Variants in UNC5C observed in about 807,000 individuals in gnomAD.
UNC5C encodes unc-5 netrin receptor C.
In UNC5C, 47 loss-of-function variants were observed where a neutral mutation model predicts 99.8. The observed-to-expected ratio is 0.47, with a 90% CI of 0.37 to 0.60. The LOEUF is 0.60. Ranked by LOEUF, UNC5C falls within the 20% of genes least tolerant of loss-of-function variation. The probability of loss-of-function intolerance (pLI) is 0.00; values close to 1 mark genes in which losing one functional copy is unlikely to be tolerated. For synonymous variants in UNC5C, 487 were observed against 452.2 expected (o/e 1.08, Z -0.98); for missense variants, 1,062 against 1,165.9 (o/e 0.91, Z 1.30).
At chr4:95,534,045 A>T (rs1722715886) in intron 1 of UNC5C, among the ~76,000 whole-genome samples, 1 of 152,222 alleles carries the variant, frequency 6.6e-6, no homozygotes, top group Admixed American at 6.5e-5. Context: ...TTATGTAGGG[A>T]CTAAACCATA....
chr4:95,506,548 G>A (rs979452328), intron 1 of UNC5C, among the ~76,000 whole-genome samples: 4 of 151,852 alleles, frequency 2.6e-5, no homozygotes, highest in South Asian at 2.1e-4. Context: ...AATATATGAC[G>A]TGTTACTTTA....
At position 95,478,888 on chromosome 4, in the gene UNC5C, C is replaced by G. The variant is rs185025617; in HGVS notation, c.124+69846G>C. ...TTTATCATGGTAATCAGCAAGTTCT[C>G]GCTCCATTAGTTCGTGTGAGAACTG... On this transcript the variant is annotated intron_variant, in intron 1 of 15. Coordinates refer to ENST00000453304, the MANE Select transcript of UNC5C (RefSeq NM_003728.4). Among the ~76,000 whole-genome samples, 36 of 151,828 alleles carry G rather than the reference C, an allele frequency of 2.4e-4. No homozygotes were observed. In the East Asian group the frequency reaches 6.3e-3, roughly 26 times the overall value.
chr4:95,521,221 TTTC>T (rs551324975), intron 1 of UNC5C, among the ~76,000 whole-genome samples: 12,542 of 57,974 alleles, frequency 0.22, 1,875 homozygotes, highest in African/African-American at 0.42. Flanking sequence ...TTTTTTCTTT[TTTC>T]TTTTTTTTTT....
chr4:95,441,920 A>C (rs1387167672), intron 1 of UNC5C, among the ~76,000 whole-genome samples: 1 of 152,188 alleles, frequency 6.6e-6, no homozygotes, highest in Non-Finnish European at 1.5e-5. Context: ...TAAACTAGTA[A>C]GATTAACACG....
At chr4:95,240,869 C>G (rs1190570597) in intron 7 of UNC5C, among the ~76,000 whole-genome samples, 4 of 152,074 alleles carry the variant, frequency 2.6e-5, no homozygotes, top group African/African-American at 9.7e-5. Context: ...TTTTCTATGA[C>G]TAATAAAAGG....
chr4:95,547,357 C>A (rs1723097515), intron 1 of UNC5C, among the ~76,000 whole-genome samples: 1 of 152,122 alleles, frequency 6.6e-6, no homozygotes, highest in Non-Finnish European at 1.5e-5. Context: ...GACCGCACTC[C>A]TATGCTAGGC....
intron 1 of UNC5C, among the ~76,000 whole-genome samples, chr4:95,493,826 C>T (rs1721565102): frequency 6.6e-6 from 1 of 151,304 alleles, no homozygotes; most frequent in African/African-American, 2.4e-5. Context: ...AACAATATTC[C>T]AACCTAAAGG....
intron 2 of UNC5C, among the ~76,000 whole-genome samples, chr4:95,332,209 G>A (rs1451072317): frequency 6.6e-6 from 1 of 151,882 alleles, no homozygotes; most frequent in Non-Finnish European, 1.5e-5. Flanking sequence ...TCACAGAATT[G>A]GAAAAAACTA....
At chr4:95,294,146 G>T (rs759448480) in intron 3 of UNC5C, among the ~76,000 whole-genome samples, 1 of 152,192 alleles carries the variant, frequency 6.6e-6, no homozygotes. Context: ...ATACATGACC[G>T]AAATAATTTT....
At chr4:95,391,436 G>A (rs1343995942) in intron 1 of UNC5C, among the ~76,000 whole-genome samples, 1 of 152,004 alleles carries the variant, frequency 6.6e-6, no homozygotes, top group Non-Finnish European at 1.5e-5. Context: ...TCATTTTTCA[G>A]TATATTATAC....
In UNC5C at chr4:95,162,785, CACA is replaced by C. The variant is rs921181491; in HGVS notation, c.*6446_*6448del. On this transcript the variant is annotated 3_prime_UTR_variant, in exon 16 of 16. Coordinates refer to ENST00000453304, the MANE Select transcript of UNC5C (RefSeq NM_003728.4). ...TAGAAGATACAGCAAGAGGGAACTC[CACA>C]ACAACAAAAGTGTTCCATATCGGAA... 20 of 152,068 alleles carry C rather than the reference CACA, an allele frequency of 1.3e-4. No individual in the cohort carries two copies. Among genetic ancestry groups the C allele is most frequent in the African/African-American group, 4.6e-4 (19 of 41,398 alleles). The allele number at this position is 152,068 out of a possible 1,614,324, so 9.4% of individuals were successfully genotyped here.
intron 3 of UNC5C, among the ~76,000 whole-genome samples, chr4:95,283,057 T>A (rs1741118082): frequency 1.3e-5 from 2 of 152,154 alleles, no homozygotes; most frequent in South Asian, 4.1e-4. Context: ...CCCAATGGTA[T>A]CTACTACTCT....
At chr4:95,456,238 T>C (rs992747681) in intron 1 of UNC5C, among the ~76,000 whole-genome samples, 1 of 151,886 alleles carries the variant, frequency 6.6e-6, no homozygotes, top group Non-Finnish European at 1.5e-5. Context: ...AAAGAGAAAA[T>C]GTGTTCAAGT....
rs888873092 is a variant in UNC5C, at chr4:95,165,236, C to A, written c.*3998G>T. The A allele has an allele frequency of 6.6e-6, 1 of 151,498 alleles. No individual in the cohort carries two copies. Among genetic ancestry groups the A allele is most frequent in the Non-Finnish European group, 1.5e-5 (1 of 68,038 alleles). 9.4% of individuals were successfully genotyped at this position (151,498 alleles called of 1,614,324 possible). A position where few individuals can be genotyped will look rare whatever the true frequency, so the allele number is the denominator to read the frequency against. Reference sequence around the variant, plus strand: ...AGTTTCAGGGTGTCCTGAACTCAGTCCCCACGACTTTTTTCTCCTGAAAAT... The same window carrying A: ...AGTTTCAGGGTGTCCTGAACTCAGTACCCACGACTTTTTTCTCCTGAAAAT... On this transcript the variant is annotated 3_prime_UTR_variant, in exon 16 of 16. Transcript: ENST00000453304.
At chr4:95,394,651 CTGTGTGTGTG>C (rs10527279) in intron 1 of UNC5C, among the ~76,000 whole-genome samples, 1 of 147,634 alleles carries the variant, frequency 6.8e-6, no homozygotes, top group East Asian at 2.0e-4. Flanking sequence ...AAGGTATTTG[CTGTGTGTGTG>C]TGTGTGTGTG....
intron 2 of UNC5C, among the ~76,000 whole-genome samples, chr4:95,328,197 C>T (rs1230325140): frequency 9.9e-6 from 1 of 101,510 alleles, no homozygotes; most frequent in African/African-American, 3.3e-5. Context: ...GTATATCTCC[C>T]AATGCTATCC....
chr4:95,240,895 T>C (rs936685053), intron 7 of UNC5C, among the ~76,000 whole-genome samples: 2 of 152,210 alleles, frequency 1.3e-5, no homozygotes, highest in African/African-American at 2.4e-5. Context: ...TCTCGTGGCA[T>C]TGTATTCCTT....
At chr4:95,297,146 C>T (rs1741695400) in intron 3 of UNC5C, among the ~76,000 whole-genome samples, 1 of 152,296 alleles carries the variant, frequency 6.6e-6, no homozygotes, top group African/African-American at 2.4e-5. Flanking sequence ...GCCATGTGAG[C>T]TTCAGATTCC....
intron 1 of UNC5C, among the ~76,000 whole-genome samples, chr4:95,424,169 C>A (rs1746396798): frequency 6.6e-6 from 1 of 152,008 alleles, no homozygotes; most frequent in African/African-American, 2.4e-5. Context: ...ATGTTGAAGA[C>A]CCTGATGAGT....
Sources: gnomAD v4.1 joint callset for allele counts (sites outside exome capture counted in the v4.1 genomes callset) on GRCh38, gnomAD v4.1.1 for gene constraint, MANE v1.5 for transcripts, NCBI Gene and HGNC (gene_info 2026-07-23, HGNC 2026-07-21) for gene names.